The following FAM117A variants were observed in gnomAD, a reference collection of about 807,000 sequenced individuals.
FAM117A encodes the protein family with sequence similarity 117 member A.
A neutral mutation model predicts 44.1 loss-of-function variants in FAM117A; 21 were observed. The observed-to-expected ratio is 0.48, with a 90% CI of 0.34 to 0.69. The LOEUF is 0.69. Ranked by LOEUF, FAM117A falls within the 30% of genes least tolerant of loss-of-function variation. FAM117A has a pLI of 0.01. For synonymous variants in FAM117A, 220 were observed against 238.3 expected (o/e 0.92, Z 0.71); for missense variants, 498 against 589.9 (o/e 0.84, Z 1.61).
chr17:49,729,215 G>C (rs1741960046), intron 2 of FAM117A, among the ~76,000 whole-genome samples: 1 of 152,198 alleles, frequency 6.6e-6, no homozygotes, highest in Non-Finnish European at 1.5e-5. Flanking sequence ...CAGGGCCCTG[G>C]TCTCCTCTCA....
chr17:49,716,739 G>A (rs916053970), intron 6 of FAM117A, among the ~76,000 whole-genome samples: 3 of 152,052 alleles, frequency 2.0e-5, no homozygotes, highest in African/African-American at 4.8e-5. Flanking sequence ...ACTCTTCTCC[G>A]ACTCAGAGAA....
chr17:49,758,765 T>C (rs1299473563), intron 1 of FAM117A, among the ~76,000 whole-genome samples: 2 of 152,020 alleles, frequency 1.3e-5, no homozygotes, highest in Non-Finnish European at 2.9e-5. Flanking sequence ...TCAAACGTGA[T>C]AGTGTCAGTA....
At chr17:49,747,773 G>C (rs1242782766) in intron 1 of FAM117A, among the ~76,000 whole-genome samples, 1 of 152,136 alleles carries the variant, frequency 6.6e-6, no homozygotes, top group Non-Finnish European at 1.5e-5. Flanking sequence ...CAAATCAGTG[G>C]CAAATTCCCA....
intron 1 of FAM117A, among the ~76,000 whole-genome samples, chr17:49,741,093 C>T (rs1275599839): frequency 6.6e-6 from 1 of 152,054 alleles, no homozygotes; most frequent in Non-Finnish European, 1.5e-5. Flanking sequence ...CTCCACCCAT[C>T]GTAGTTATCC....
intron 1 of FAM117A, among the ~76,000 whole-genome samples, chr17:49,760,051 T>A (rs2073716643): frequency 6.6e-6 from 1 of 152,196 alleles, no homozygotes; most frequent in Middle Eastern, 3.2e-3. Context: ...GGGGGCAAAT[T>A]TGCCTAACAG....
chr17:49,737,425 C>A (rs907214200), intron 1 of FAM117A, among the ~76,000 whole-genome samples: 2 of 152,114 alleles, frequency 1.3e-5, no homozygotes, highest in African/African-American at 4.8e-5. Context: ...GACAGATAAC[C>A]AAAGAGGCAG....
chr17:49,768,654 G>C (rs2073752086), upstream of FAM117A, among the ~76,000 whole-genome samples: 1 of 152,148 alleles, frequency 6.6e-6, no homozygotes, highest in African/African-American at 2.4e-5. Context: ...CAGAACTGAA[G>C]GAGCAAAGCA....
chr17:49,724,763 G>A (rs1483823227), intron 2 of FAM117A, among the ~76,000 whole-genome samples: 1 of 148,800 alleles, frequency 6.7e-6, no homozygotes, highest in Non-Finnish European at 1.5e-5. Context: ...AGAGGTTGCA[G>A]TGAGCTGAGA....
chr17:49,761,734 T>C (rs1391666606), intron 1 of FAM117A, among the ~76,000 whole-genome samples: 1 of 152,194 alleles, frequency 6.6e-6, no homozygotes, highest in East Asian at 1.9e-4. Context: ...ATGGAAATAA[T>C]GTGAACACGT....
At chr17:49,785,488 G>A (rs2073802995) in intron 1 of FAM117A, among the ~76,000 whole-genome samples, 1 of 152,160 alleles carries the variant, frequency 6.6e-6, no homozygotes, top group Admixed American at 6.6e-5. Context: ...TCCAGACTGG[G>A]TGACAAGAGT....
intron 1 of FAM117A, among the ~76,000 whole-genome samples, chr17:49,745,559 G>C (rs545225386): frequency 1.3e-5 from 2 of 152,178 alleles, no homozygotes; most frequent in Non-Finnish European, 2.9e-5. Context: ...CTCCTAAAGT[G>C]ACATTTTATG....
intron 2 of FAM117A, among the ~76,000 whole-genome samples, chr17:49,724,848 GAAAAAAGAA>G (rs1598022082): frequency 6.9e-6 from 1 of 145,620 alleles, no homozygotes; most frequent in African/African-American, 2.5e-5. Context: ...AAGAAAGAAA[GAAAAAAGAA>G]AAAAAAGAAA....
intron 1 of FAM117A, among the ~76,000 whole-genome samples, chr17:49,762,537 TA>T (rs761622879): frequency 6.6e-6 from 1 of 152,232 alleles, no homozygotes; most frequent in East Asian, 1.9e-4. Context: ...GAGATCCTCT[TA>T]AGCCCATTCC....
rs540031869 is a variant in FAM117A, at chr17:49,726,440, G to A, written c.367-3846C>T. Among the ~76,000 whole-genome samples the A allele has an allele frequency of 2.0e-5, 3 of 152,310 alleles. No homozygotes were observed. The East Asian group carries it at 5.8e-4, about 29-fold the overall frequency. ...TTGGTCAGGCTGGTCTCGAACTCCT[G>A]ACCTAAGGTGATCTGCCTGCCTCAG... On this transcript the variant is annotated intron_variant, in intron 2 of 7. Transcript: ENST00000240364.
intron 1 of FAM117A, among the ~76,000 whole-genome samples, chr17:49,784,112 C>A (rs570539622): frequency 6.6e-6 from 1 of 152,208 alleles, no homozygotes; most frequent in African/African-American, 2.4e-5. Context: ...TGAACAACTA[C>A]ATTTTGTATT....
chr17:49,764,256 C>T (rs890190547), upstream of FAM117A: 4 of 384,836 alleles, frequency 1.0e-5, no homozygotes, highest in Admixed American at 1.2e-4. Context: ...CACAGCTTAG[C>T]CTTCCCTTTC....
intron 7 of FAM117A, among the ~76,000 whole-genome samples, chr17:49,713,022 C>G (rs140501335): frequency 1.3e-5 from 2 of 152,088 alleles, no homozygotes; most frequent in African/African-American, 2.4e-5. Flanking sequence ...ATTACAGATG[C>G]CTGCCACCAT....
chr17:49,788,175 T>C (rs1321038172), intron 1 of FAM117A, among the ~76,000 whole-genome samples: 1 of 152,238 alleles, frequency 6.6e-6, no homozygotes, highest in Admixed American at 6.5e-5. Context: ...TGGCGGACGC[T>C]ATCCGTTAGT....
intron 1 of FAM117A, among the ~76,000 whole-genome samples, chr17:49,783,028 G>C (rs896034054): frequency 8.5e-5 from 13 of 152,186 alleles, no homozygotes; most frequent in Admixed American, 3.3e-4. Context: ...CCGGCAAATA[G>C]AGCAATTTGG....
Sources: allele counts gnomAD v4.1 joint callset (sites outside exome capture counted in the v4.1 genomes callset), GRCh38; gene constraint gnomAD v4.1.1; transcripts MANE v1.5; gene names NCBI Gene and HGNC (gene_info 2026-07-23, HGNC 2026-07-21).